Variants in ADAMTSL3 observed in about 807,000 individuals in gnomAD.
The protein encoded by ADAMTSL3 is ADAMTS like 3, also known as ADAMTS-like protein 3.
In ADAMTSL3, 128 loss-of-function variants were observed where a neutral mutation model predicts 201.7. The ratio of observed to expected loss-of-function variants is 0.63; its 90% confidence interval spans 0.55 to 0.73. The LOEUF (loss-of-function observed/expected upper bound fraction) is 0.73. Among genes scored for constraint, ADAMTSL3 ranks in the 30% least tolerant of loss-of-function variants. The pLI, the probability that ADAMTSL3 is intolerant of heterozygous loss-of-function variation, is 0.00. For synonymous variants in ADAMTSL3, 738 were observed against 748.4 expected (o/e 0.99, Z 0.23); for missense variants, 1,990 against 2,119.6 (o/e 0.94, Z 1.20).
chr15:84,037,025 G>A (rs1361617337), intron 29 of ADAMTSL3, 38 bp downstream of exon 29: 16 of 1,595,368 alleles, frequency 1.0e-5, no homozygotes, highest in Non-Finnish European at 1.4e-5. Flanking sequence ...TGCCCCAGAG[G>A]CCTTGATGGC....
chr15:83,904,629 G>T (rs1258404808), intron 15 of ADAMTSL3, among the ~76,000 whole-genome samples: 1 of 152,208 alleles, frequency 6.6e-6, no homozygotes, highest in Non-Finnish European at 1.5e-5. Context: ...CAAGGGAACT[G>T]CAGTACTGAC....
intron 19 of ADAMTSL3, among the ~76,000 whole-genome samples, chr15:83,944,164 C>T (rs1052556379): frequency 6.6e-6 from 1 of 152,156 alleles, no homozygotes; most frequent in Non-Finnish European, 1.5e-5. Flanking sequence ...CCACAGTTAA[C>T]TGTGGAAAGC....
intron 3 of ADAMTSL3, among the ~76,000 whole-genome samples, chr15:83,738,994 C>T (rs897018520): frequency 2.7e-5 from 4 of 150,352 alleles, no homozygotes; most frequent in African/African-American, 4.9e-5. Flanking sequence ...ATCATTTCAA[C>T]AAAATGCAGG....
At chr15:83,829,459 G>T (rs1357522804) in intron 6 of ADAMTSL3, among the ~76,000 whole-genome samples, 4 of 151,938 alleles carry the variant, frequency 2.6e-5, no homozygotes, top group East Asian at 1.9e-4. Flanking sequence ...CAATTTTGTT[G>T]ATCTTTTCAA....
chr15:83,694,787 G>T (rs2061657728), intron 2 of ADAMTSL3, among the ~76,000 whole-genome samples: 1 of 152,206 alleles, frequency 6.6e-6, no homozygotes, highest in Non-Finnish European at 1.5e-5. Context: ...TGCGGGGAGA[G>T]GGTCAACCTG....
At chr15:83,965,452 G>A (rs2067064368) in intron 19 of ADAMTSL3, among the ~76,000 whole-genome samples, 1 of 151,788 alleles carries the variant, frequency 6.6e-6, no homozygotes, top group African/African-American at 2.4e-5. Context: ...ATTACATAAT[G>A]GTAAAGAGAT....
At chr15:83,930,829 T>C (rs1348070728) in intron 17 of ADAMTSL3, among the ~76,000 whole-genome samples, 1 of 152,212 alleles carries the variant, frequency 6.6e-6, no homozygotes, top group Non-Finnish European at 1.5e-5. Context: ...TAGAAACTAG[T>C]GGTGTAGGAA....
At chr15:83,711,441 G>A (rs2061932390) in intron 3 of ADAMTSL3, among the ~76,000 whole-genome samples, 1 of 152,190 alleles carries the variant, frequency 6.6e-6, no homozygotes, top group Non-Finnish European at 1.5e-5. Flanking sequence ...CTCCACATAG[G>A]AGAGTTTCTG....
intron 16 of ADAMTSL3, among the ~76,000 whole-genome samples, chr15:83,919,744 G>A (rs1191728764): frequency 6.6e-6 from 1 of 152,116 alleles, no homozygotes; most frequent in Non-Finnish European, 1.5e-5. Context: ...CAACAAGAAA[G>A]CTCTAGAATG....
At chr15:83,828,252 A>G (rs1255749403) in intron 6 of ADAMTSL3, among the ~76,000 whole-genome samples, 1 of 152,092 alleles carries the variant, frequency 6.6e-6, no homozygotes, top group African/African-American at 2.4e-5. Flanking sequence ...ATCCCTTGTA[A>G]GTTGGATTCC....
chr15:83,924,744 C>T (rs774459170), intron 17 of ADAMTSL3, among the ~76,000 whole-genome samples: 1 of 152,176 alleles, frequency 6.6e-6, no homozygotes, highest in African/African-American at 2.4e-5. Flanking sequence ...TGGTTTCTCA[C>T]ACAAGACCTT....
Position 83,855,375 on chromosome 15 carries a change from G to A in ADAMTSL3, c.728-3391G>A, listed in dbSNP as rs564891588. ...CTCATGCAGCCTCAATGTTATATAA[G>A]TATCTCTGATTGTTTTGGACAAATG... On this transcript the variant is annotated intron_variant, in intron 7 of 29. Coordinates refer to ENST00000286744, the MANE Select transcript of ADAMTSL3 (RefSeq NM_207517.3). Among the ~76,000 whole-genome samples, 287 of 152,244 alleles carry A rather than the reference G, an allele frequency of 1.9e-3. 1 individual carries two copies. The highest frequency in any genetic ancestry group is 6.7e-3 in the African/African-American group (279 of 41,544).
chr15:83,824,651 G>A (rs953771103), intron 6 of ADAMTSL3, among the ~76,000 whole-genome samples: 1 of 151,914 alleles, frequency 6.6e-6, no homozygotes, highest in Non-Finnish European at 1.5e-5. Context: ...CTCTCTCCTC[G>A]CTAACCCCTG....
Position 83,988,770 on chromosome 15 carries a change from G to C in ADAMTSL3, c.3796G>C (p.Ala1266Pro), listed in dbSNP as rs887151350. ...KEQGIYECSV[A>P]NHLGSDVESS... ...ACAAGGCATATATGAATGTTCTGTA[G>C]CTAATCATCTTGGTTCAGATGTGGA... Residue 1266 changes from alanine to proline, a missense_variant, in exon 22 of 30, where the codon GCT becomes CCT. Physicochemically the swap from Ala to Pro is conservative, Grantham distance 27. Coordinates refer to ENST00000286744, the MANE Select transcript of ADAMTSL3 (RefSeq NM_207517.3). 6.2e-6 allele frequency: 10 copies of C among 1,608,806 alleles called. No homozygotes were observed. The highest frequency in any genetic ancestry group is 8.5e-6 in the Non-Finnish European group (10 of 1,176,870).
At chr15:83,670,616 G>A (rs1275547336) in intron 2 of ADAMTSL3, among the ~76,000 whole-genome samples, 20 of 151,888 alleles carry the variant, frequency 1.3e-4, no homozygotes, top group Admixed American at 7.9e-4. Flanking sequence ...TATTCCAATT[G>A]ATTCCATGAA....
chr15:83,804,566 G>A, intron 4 of ADAMTSL3, 84 bp from the exon 5 acceptor site: 3 of 754,416 alleles, frequency 4.0e-6, no homozygotes, highest in Non-Finnish European at 1.9e-6. Flanking sequence ...CCAATGCCTT[G>A]TATTTGCTTT....
chr15:83,884,706 G>C (rs562155808), intron 9 of ADAMTSL3, among the ~76,000 whole-genome samples: 1 of 152,306 alleles, frequency 6.6e-6, no homozygotes, highest in South Asian at 2.1e-4. Flanking sequence ...TATTAAAAAT[G>C]TAAGAGTCTC....
intron 3 of ADAMTSL3, among the ~76,000 whole-genome samples, chr15:83,741,519 T>G (rs1452646128): frequency 6.6e-6 from 1 of 152,160 alleles, no homozygotes; most frequent in Non-Finnish European, 1.5e-5. Flanking sequence ...ATACTTAGTA[T>G]TGAAACATTT....
chr15:83,771,137 G>C, intron 3 of ADAMTSL3, among the ~76,000 whole-genome samples: 1 of 148,796 alleles, frequency 6.7e-6, no homozygotes, highest in Non-Finnish European at 1.5e-5. Context: ...GTGCTATACT[G>C]TGTCCTTATA....
Sources: allele counts gnomAD v4.1 joint callset (sites outside exome capture counted in the v4.1 genomes callset), GRCh38; gene constraint gnomAD v4.1.1; transcripts MANE v1.5; gene names NCBI Gene and HGNC (gene_info 2026-07-23, HGNC 2026-07-21).